The following RPS6KA2 variants were observed in gnomAD, a reference collection of about 807,000 sequenced individuals.
The protein encoded by RPS6KA2 is ribosomal protein S6 kinase A2.
RPS6KA2 carries 42 observed loss-of-function variants against 91.8 expected under a neutral mutation model. That is an observed-to-expected ratio of 0.46 (90% CI 0.36 to 0.59). RPS6KA2 has a LOEUF of 0.59. Among genes scored for constraint, RPS6KA2 ranks in the 20% least tolerant of loss-of-function variants. RPS6KA2 has a pLI of 0.00. For synonymous variants in RPS6KA2, 414 were observed against 393.6 expected, an observed-to-expected ratio of 1.05 and a Z score of -0.61; for missense variants, 798 against 978.5, an observed-to-expected ratio of 0.82 and a Z score of 2.46.
intron 1 of RPS6KA2, among the ~76,000 whole-genome samples, chr6:166,562,169 A>G (rs879917069): frequency 5.3e-5 from 8 of 152,098 alleles, no homozygotes; most frequent in Non-Finnish European, 1.0e-4. Context: ...TAGATTTCAA[A>G]GCAAAATCCA....
chr6:166,425,472 G>T (rs111306813), intron 16 of RPS6KA2, among the ~76,000 whole-genome samples: 1,641 of 152,112 alleles, frequency 0.011, 28 homozygotes, highest in African/African-American at 0.035. Context: ...AATGTAAATG[G>T]ACTAAATGCT....
chr6:166,824,835 G>A (rs1381627496), intron 2 of RPS6KA2, among the ~76,000 whole-genome samples: 2 of 99,280 alleles, frequency 2.0e-5, no homozygotes. Context: ...CTGTGTGTGT[G>A]TGTATGCTTG....
chr6:166,791,870 G>A (rs1459173940), intron 2 of RPS6KA2, among the ~76,000 whole-genome samples: 2 of 151,818 alleles, frequency 1.3e-5, no homozygotes, highest in East Asian at 1.9e-4. Context: ...AAAGCAGTGT[G>A]TAGAGGGAAA....
rs186298635 is a variant in RPS6KA2, at chr6:166,746,768, A to G, written c.123+111432T>C. Reference sequence around the variant, plus strand: ...TTCAACTAAATAGGGGTTCCTATTGAAGGGGTTCCTTCAACTAAATAGGGG... The same window carrying G: ...TTCAACTAAATAGGGGTTCCTATTGGAGGGGTTCCTTCAACTAAATAGGGG... On this transcript the variant is annotated intron_variant, in intron 2 of 21. Transcript: ENST00000503859. Among the ~76,000 whole-genome samples, 317 of 152,186 alleles carry G rather than the reference A, an allele frequency of 2.1e-3. 4 individuals carry two copies. Among genetic ancestry groups the G allele is most frequent in the African/African-American group, 7.1e-3 (293 of 41,558 alleles).
intron 1 of RPS6KA2, among the ~76,000 whole-genome samples, chr6:166,551,898 G>A (rs764777142): frequency 2.0e-5 from 3 of 152,302 alleles, no homozygotes; most frequent in South Asian, 2.1e-4. Flanking sequence ...ACGGATTTCC[G>A]AACAGTCTTG....
intron 10 of RPS6KA2, among the ~76,000 whole-genome samples, chr6:166,480,479 T>TTATA (rs3066214): frequency 0.027 from 2,696 of 99,536 alleles, 63 homozygotes; most frequent in African/African-American, 0.068. Flanking sequence ...GATTGTGATT[T>TTATA]TATATATATA....
intron 1 of RPS6KA2, among the ~76,000 whole-genome samples, chr6:166,618,927 G>C (rs999034750): frequency 1.3e-5 from 2 of 152,224 alleles, no homozygotes; most frequent in Non-Finnish European, 2.9e-5. Context: ...CTGCGCGCAA[G>C]AGCCCTGTGC....
chr6:166,812,587 G>A (rs1489908781), intron 2 of RPS6KA2, among the ~76,000 whole-genome samples: 1 of 152,194 alleles, frequency 6.6e-6, no homozygotes, highest in Non-Finnish European at 1.5e-5. Context: ...CATGGGGTCT[G>A]TGTTGGGCGC....
intron 2 of RPS6KA2, among the ~76,000 whole-genome samples, chr6:166,751,920 C>T (rs1329402016): frequency 1.3e-5 from 2 of 151,476 alleles, no homozygotes; most frequent in African/African-American, 4.9e-5. Flanking sequence ...CTGTGGAACA[C>T]AGAGGCCAGA....
chr6:166,748,094 C>T (rs769789801), intron 2 of RPS6KA2, among the ~76,000 whole-genome samples: 7 of 152,136 alleles, frequency 4.6e-5, no homozygotes, highest in South Asian at 4.1e-4. Flanking sequence ...CCAGGGTGAA[C>T]GAGACTTATC....
At position 166,423,292 on chromosome 6, in the gene RPS6KA2, C is replaced by T; in HGVS notation, c.1707G>A (p.Met569Ile). 1 of 1,613,906 alleles carries T rather than the reference C, an allele frequency of 6.2e-7. No homozygotes were observed. The highest frequency in any genetic ancestry group is 1.3e-5 in the African/African-American group (1 of 75,068). Residue 569 changes from methionine to isoleucine, a missense_variant, in exon 17 of 21, where the codon ATG (methionine) becomes ATA (isoleucine). Transcript: ENST00000265678. The surrounding 1 kb of genome is among the most constrained non-coding windows in gnomAD (Gnocchi z 4.8). ...CGAAATTGGCCGTGTAGCAGGGTGTCATGAGCAGCCCGTTCCCCGCGCGCA... is the reference window on the plus strand; with the variant it reads ...CGAAATTGGCCGTGTAGCAGGGTGTTATGAGCAGCCCGTTCCCCGCGCGCA... ...KQLRAGNGLL[M>I]TPCYTANFVA... is the part of the protein sequence containing the mutation.
chr6:166,824,897 G>A (rs940917431), intron 2 of RPS6KA2, among the ~76,000 whole-genome samples: 3 of 152,148 alleles, frequency 2.0e-5, no homozygotes, highest in Admixed American at 6.6e-5. Context: ...ATGTCTGTGT[G>A]TATGTGTGTC....
chr6:166,414,314 A>ATACT (rs1237424896), intron 19 of RPS6KA2, among the ~76,000 whole-genome samples: 1 of 152,238 alleles, frequency 6.6e-6, no homozygotes, highest in African/African-American at 2.4e-5. Flanking sequence ...AATGATGCAC[A>ATACT]TACTTACATT....
At chr6:166,488,614 T>C (rs917558534) in intron 10 of RPS6KA2, among the ~76,000 whole-genome samples, 1 of 152,202 alleles carries the variant, frequency 6.6e-6, no homozygotes, top group Non-Finnish European at 1.5e-5. Context: ...CAGCTTATGG[T>C]ATTTTGGCAG....
chr6:166,450,906 C>T (rs956459731), intron 13 of RPS6KA2, among the ~76,000 whole-genome samples, 197 bp downstream of exon 13: 11 of 151,714 alleles, frequency 7.3e-5, no homozygotes, highest in Non-Finnish European at 1.6e-4. Context: ...TCATGGGGAC[C>T]GCCATGGGGG....
chr6:166,810,848 A>T (rs956551845), intron 2 of RPS6KA2, among the ~76,000 whole-genome samples: 6 of 152,290 alleles, frequency 3.9e-5, no homozygotes, highest in Non-Finnish European at 7.4e-5. Context: ...TCAAAACATA[A>T]CAAGGACCAA....
chr6:166,702,293 G>C, intron 2 of RPS6KA2: 1 of 1,613,472 alleles, frequency 6.2e-7, no homozygotes, highest in Non-Finnish European at 8.5e-7. Flanking sequence ...CTGCCTTGAG[G>C]AGCCCCTCTG....
At chr6:166,453,174 C>G (rs1779970583) in intron 12 of RPS6KA2, among the ~76,000 whole-genome samples, 1 of 149,500 alleles carries the variant, frequency 6.7e-6, no homozygotes, top group Admixed American at 6.7e-5. Flanking sequence ...GCACTCCAGC[C>G]TGGGCGACAG....
intron 14 of RPS6KA2, among the ~76,000 whole-genome samples, chr6:166,442,542 C>T (rs1054927840): frequency 3.9e-5 from 6 of 152,162 alleles, no homozygotes; most frequent in Admixed American, 6.5e-5. Context: ...GTGCTTGGCA[C>T]GTACTGAGTA....
Sources: gnomAD v4.1 joint callset for allele counts (sites outside exome capture counted in the v4.1 genomes callset) on GRCh38, gnomAD v4.1.1 for gene constraint, Gnocchi (gnomAD v3.1) non-coding constraint, MANE v1.5 for transcripts, NCBI Gene and HGNC (gene_info 2026-07-23, HGNC 2026-07-21) for gene names.